ST6GALNAC5: variants seen among roughly 807,000 people sequenced by gnomAD.
ST6GALNAC5 encodes the protein alpha-N-acetylgalactosaminide alpha-2,6-sialyltransferase 5.
In ST6GALNAC5, 27 loss-of-function variants were observed where a neutral mutation model predicts 33.6. The ratio of observed to expected loss-of-function variants is 0.80; its 90% CI spans 0.59 to 1.11. ST6GALNAC5 has a LOEUF of 1.11. Among genes scored for constraint, ST6GALNAC5 ranks in the 50% least tolerant of loss-of-function variants. The pLI is 0.00. For synonymous variants in ST6GALNAC5, 194 were observed against 171.2 expected (o/e 1.13, Z -1.04); for missense variants, 428 against 454.0 (o/e 0.94, Z 0.52).
intron 3 of ST6GALNAC5, among the ~76,000 whole-genome samples, chr1:77,049,215 T>C (rs543125883): frequency 6.6e-6 from 1 of 152,252 alleles, no homozygotes; most frequent in African/African-American, 2.4e-5. Context: ...AGGTTTTCCT[T>C]CTTCTCAAGG....
At chr1:76,988,663 T>C (rs1331004809) in intron 2 of ST6GALNAC5, among the ~76,000 whole-genome samples, 1 of 152,152 alleles carries the variant, frequency 6.6e-6, no homozygotes, top group Non-Finnish European at 1.5e-5. Flanking sequence ...CTTCCAGCTG[T>C]TTTAAATTAA....
chr1:76,947,747 T>C (rs957478399), intron 2 of ST6GALNAC5, among the ~76,000 whole-genome samples: 1 of 151,922 alleles, frequency 6.6e-6, no homozygotes, highest in African/African-American at 2.4e-5. Flanking sequence ...CCTTGTCTCA[T>C]AAAAGGAAAA....
At chr1:76,966,766 C>T (rs1447358605) in intron 2 of ST6GALNAC5, among the ~76,000 whole-genome samples, 13 of 152,264 alleles carry the variant, frequency 8.5e-5, no homozygotes, top group African/African-American at 2.6e-4. Flanking sequence ...TTTTGAGATA[C>T]GTTCCATCAA....
At chr1:76,893,394 T>C (rs1465067679) in intron 2 of ST6GALNAC5, among the ~76,000 whole-genome samples, 1 of 152,194 alleles carries the variant, frequency 6.6e-6, no homozygotes. Flanking sequence ...GGTATAAAAC[T>C]TAAGTGTCTT....
At chr1:76,966,276 G>T (rs569560577) in intron 2 of ST6GALNAC5, among the ~76,000 whole-genome samples, 2 of 152,124 alleles carry the variant, frequency 1.3e-5, no homozygotes, top group South Asian at 2.1e-4. Flanking sequence ...CTTTTATTTC[G>T]TTGGGAAGTG....
chr1:76,936,208 T>C (rs1252486), intron 2 of ST6GALNAC5, among the ~76,000 whole-genome samples: 87,315 of 151,922 alleles, frequency 0.57, 25,352 homozygotes, highest in South Asian at 0.6. Context: ...ATTTCCTTCT[T>C]CAAATTGTTC....
intron 2 of ST6GALNAC5, among the ~76,000 whole-genome samples, chr1:76,908,347 G>A (rs1473979881): frequency 6.6e-6 from 1 of 151,996 alleles, no homozygotes; most frequent in Non-Finnish European, 1.5e-5. Context: ...ATAGTGGAAG[G>A]GGCAAAGCAG....
chr1:76,937,142 C>T (rs1232886559), intron 2 of ST6GALNAC5, among the ~76,000 whole-genome samples: 9 of 151,852 alleles, frequency 5.9e-5, no homozygotes, highest in Non-Finnish European at 1.3e-4. Flanking sequence ...CATAGCAGCA[C>T]TAATAGAAGC....
chr1:76,945,391 A>G (rs1041914837), intron 2 of ST6GALNAC5, among the ~76,000 whole-genome samples: 1 of 152,088 alleles, frequency 6.6e-6, no homozygotes, highest in African/African-American at 2.4e-5. Flanking sequence ...ACAAAACCCA[A>G]ACAAACAAAA....
At chr1:76,933,467 G>A (rs1407075949) in intron 2 of ST6GALNAC5, among the ~76,000 whole-genome samples, 1 of 151,968 alleles carries the variant, frequency 6.6e-6, no homozygotes, top group Non-Finnish European at 1.5e-5. Context: ...ATTGAATCAT[G>A]TTTAAGTATG....
chr1:77,039,320 G>C (rs1200128906), intron 2 of ST6GALNAC5, among the ~76,000 whole-genome samples: 1 of 152,200 alleles, frequency 6.6e-6, no homozygotes, highest in African/African-American at 2.4e-5. Context: ...GGTCCTTACT[G>C]TGTCCCGGGC....
At chr1:76,950,218 G>T (rs1320507324) in intron 2 of ST6GALNAC5, among the ~76,000 whole-genome samples, 1 of 152,104 alleles carries the variant, frequency 6.6e-6, no homozygotes, top group Non-Finnish European at 1.5e-5. Flanking sequence ...TGACTGTTAG[G>T]CCAGTGCTCT....
intron 2 of ST6GALNAC5, among the ~76,000 whole-genome samples, chr1:76,900,162 G>C (rs966129739): frequency 6.6e-6 from 1 of 152,172 alleles, no homozygotes; most frequent in Non-Finnish European, 1.5e-5. Context: ...TTGTTCTCTG[G>C]TGGGCAGAGT....
intron 2 of ST6GALNAC5, among the ~76,000 whole-genome samples, chr1:76,920,737 T>G (rs193158481): frequency 6.6e-6 from 1 of 152,292 alleles, no homozygotes; most frequent in East Asian, 1.9e-4. Flanking sequence ...GGGCTAATCT[T>G]ATAAGTAGAT....
intron 2 of ST6GALNAC5, among the ~76,000 whole-genome samples, chr1:77,026,393 A>G (rs1651236480): frequency 6.6e-6 from 1 of 152,188 alleles, no homozygotes; most frequent in Non-Finnish European, 1.5e-5. Flanking sequence ...ATTGCCTTCT[A>G]AAAGGCACAC....
Position 76,958,286 on chromosome 1 carries a change from A to T in ST6GALNAC5, c.262-85918A>T, listed in dbSNP as rs576813370. Among the ~76,000 whole-genome samples, 4 of 152,230 alleles carry T rather than the reference A, an allele frequency of 2.6e-5. No individual in the cohort carries two copies. In the South Asian group the frequency reaches 8.3e-4, roughly 32 times the overall value. ...TTTCTTCAGAGCTTTTGGATTTCTG[A>T]TTAGAAGTGTTTAGAAAATATCTGT... On this transcript the variant is annotated intron_variant, in intron 2 of 4. Coordinates refer to ENST00000477717, the MANE Select transcript of ST6GALNAC5 (RefSeq NM_030965.3).
intron 4 of ST6GALNAC5, among the ~76,000 whole-genome samples, chr1:77,052,983 G>A (rs1363446772): frequency 2.7e-5 from 4 of 150,624 alleles, no homozygotes; most frequent in Non-Finnish European, 4.4e-5. Context: ...TTGCCTCCTG[G>A]AGGCTTATAA....
At chr1:76,903,684 C>T (rs142641603) in intron 2 of ST6GALNAC5, among the ~76,000 whole-genome samples, 62 of 152,116 alleles carry the variant, frequency 4.1e-4, no homozygotes, top group African/African-American at 1.3e-3. Context: ...TAAAATATGG[C>T]GTATCCATAC....
intron 2 of ST6GALNAC5, among the ~76,000 whole-genome samples, chr1:76,898,398 T>C (rs978914272): frequency 1.3e-5 from 2 of 152,224 alleles, no homozygotes; most frequent in African/African-American, 4.8e-5. Flanking sequence ...ACTCTATTAT[T>C]GTACACCTTG....
Sources: gnomAD v4.1 joint callset for allele counts (sites outside exome capture counted in the v4.1 genomes callset) on GRCh38, gnomAD v4.1.1 for gene constraint, MANE v1.5 for transcripts, NCBI Gene and HGNC (gene_info 2026-07-23, HGNC 2026-07-21) for gene names.